The following TBL1XR1 variants were observed in gnomAD, a reference collection of about 807,000 sequenced individuals.
TBL1XR1 encodes F-box-like/WD repeat-containing protein TBL1XR1.
A neutral mutation model predicts 66.9 loss-of-function variants in TBL1XR1; 5 were observed. That is an observed-to-expected ratio of 0.07 (90% CI 0.04 to 0.16). The LOEUF (loss-of-function observed/expected upper bound fraction) is 0.16, where lower values mean the gene tolerates loss of function less well. Ranked by LOEUF, TBL1XR1 falls within the 10% of genes least tolerant of loss-of-function variation. The pLI is 1.00. For missense variants in TBL1XR1, 238 were observed against 623.2 expected, an observed-to-expected ratio of 0.38 and a Z score of 6.58; for synonymous variants, 210 against 206.0, an observed-to-expected ratio of 1.02 and a Z score of -0.17.
intron 10 of TBL1XR1, 74 bp downstream of exon 10, chr3:177,046,054 AT>A: frequency 8.8e-7 from 1 of 1,137,220 alleles, no homozygotes; most frequent in East Asian, 2.6e-5. Context: ...TTTAAAATAA[AT>A]TATATGCTGT....
chr3:177,026,826 T>C, intron 14 of TBL1XR1: 1 of 178,502 alleles, frequency 5.6e-6, no homozygotes, highest in Non-Finnish European at 1.2e-5. Flanking sequence ...TACATGAGTC[T>C]AGCTAACATG....
chr3:177,068,152 A>G (rs1186130714), intron 2 of TBL1XR1, among the ~76,000 whole-genome samples: 2 of 152,232 alleles, frequency 1.3e-5, no homozygotes, highest in Non-Finnish European at 2.9e-5. Context: ...AGGATATTCA[A>G]AATAGACACT....
At chr3:177,157,369 C>T (rs1560240186) in intron 1 of TBL1XR1, among the ~76,000 whole-genome samples, 1 of 152,178 alleles carries the variant, frequency 6.6e-6, no homozygotes, top group Non-Finnish European at 1.5e-5. Context: ...CATTCTTCAG[C>T]AGTCATTAGT....
intron 1 of TBL1XR1, among the ~76,000 whole-genome samples, chr3:177,172,641 GAGAGAGAA>G (rs1373698646): frequency 4.1e-4 from 52 of 125,648 alleles, no homozygotes; most frequent in African/African-American, 1.4e-3. Context: ...AGAAGAGAGA[GAGAGAGAA>G]AGAGAGAGAG....
At position 177,151,858 on chromosome 3, in the gene TBL1XR1, T is replaced by A. The variant is rs376856102; in HGVS notation, c.-122+45263A>T. 3.7e-4 allele frequency among the ~76,000 whole-genome samples: 56 copies of A among 152,176 alleles called. 2 individuals are homozygous for A. In the East Asian group the frequency reaches 5.2e-3, roughly 14 times the overall value. On this transcript the variant is annotated intron_variant, in intron 1 of 15. Coordinates refer to ENST00000457928, the MANE Select transcript of TBL1XR1 (RefSeq NM_024665.7). ...GGCCACCACGGTGAAACCCTGTCTC[T>A]ACTAAAAATACAAAAATCAGCCGGG...
Position 177,197,423 on chromosome 3 carries a change from G to A in TBL1XR1, c.-424C>T, listed in dbSNP as rs985296149. ...CGGCGCGCGGGGGAAGGGCGCGAGC[G>A]GGGAGAGGAATTGAGGCAGAAGGTA... On this transcript the variant is annotated 5_prime_UTR_variant, in exon 1 of 16. Coordinates refer to ENST00000457928, the MANE Select transcript of TBL1XR1 (RefSeq NM_024665.7). The A allele has an allele frequency of 4.1e-5, 6 of 146,126 alleles. No homozygotes were observed. The East Asian group carries it at 1.0e-3, about 25-fold the overall frequency. The allele number at this position is 146,126 out of a possible 1,614,324, so 9.1% of individuals were successfully genotyped here. A position where few individuals can be genotyped will look rare whatever the true frequency, so the allele number is the denominator to read the frequency against.
intron 2 of TBL1XR1, among the ~76,000 whole-genome samples, chr3:177,085,825 T>G (rs558743141): frequency 6.6e-6 from 1 of 152,148 alleles, no homozygotes; most frequent in Non-Finnish European, 1.5e-5. Context: ...AATCCTATTA[T>G]TCTATGGGTG....
At chr3:177,128,273 T>C (rs1727882686) in intron 1 of TBL1XR1, among the ~76,000 whole-genome samples, 1 of 152,170 alleles carries the variant, frequency 6.6e-6, no homozygotes, top group Non-Finnish European at 1.5e-5. Context: ...ATTTAAAACA[T>C]TAGAACCGAT....
At chr3:177,070,538 T>G (rs1359157932) in intron 2 of TBL1XR1, among the ~76,000 whole-genome samples, 1 of 152,220 alleles carries the variant, frequency 6.6e-6, no homozygotes, top group Non-Finnish European at 1.5e-5. Context: ...GGCAAAGAAT[T>G]AGAAAGTCAG....
chr3:177,047,571 T>C (rs747663386), intron 7 of TBL1XR1, 22 bp from the exon 8 acceptor site: 22 of 1,604,040 alleles, frequency 1.4e-5, no homozygotes, highest in Non-Finnish European at 1.7e-5. Flanking sequence ...AAACATTTCT[T>C]TAATTATATA....
intron 3 of TBL1XR1, among the ~76,000 whole-genome samples, chr3:177,062,294 G>C (rs946207934): frequency 6.6e-6 from 1 of 152,140 alleles, no homozygotes; most frequent in African/African-American, 2.4e-5. Context: ...TTGTGAATAT[G>C]CTAAATGCTT....
At chr3:177,051,846 T>C in intron 4 of TBL1XR1, 120 bp from the exon 5 acceptor site, 3 of 1,266,450 alleles carry the variant, frequency 2.4e-6, no homozygotes, top group Non-Finnish European at 3.2e-6. Flanking sequence ...TTTTAGGAAC[T>C]TTCTGAATTC....
intron 2 of TBL1XR1, among the ~76,000 whole-genome samples, chr3:177,095,089 C>T (rs527784010): frequency 6.6e-6 from 1 of 151,304 alleles, no homozygotes; most frequent in East Asian, 1.9e-4. Context: ...TGAATCATCA[C>T]GAGATTATGT....
chr3:177,093,505 A>G (rs1355602809), intron 2 of TBL1XR1, among the ~76,000 whole-genome samples: 2 of 152,140 alleles, frequency 1.3e-5, no homozygotes, highest in African/African-American at 4.8e-5. Flanking sequence ...AGAAGAGCCC[A>G]CATAGCCAAA....
At position 177,148,644 on chromosome 3, in the gene TBL1XR1, G is replaced by C. The variant is rs186352694; in HGVS notation, c.-122+48477C>G. ...GCAGGAGAATCACTTGAACCCAGGA[G>C]GGGGAGATTGCAGTGAGCCGAGATC... On this transcript the variant is annotated intron_variant, in intron 1 of 15. Transcript: ENST00000457928. Among the ~76,000 whole-genome samples, 197 of 150,832 alleles carry C rather than the reference G, an allele frequency of 1.3e-3. 1 individual carries two copies. Among genetic ancestry groups the C allele is most frequent in the African/African-American group, 4.7e-3 (191 of 41,014 alleles).
Position 177,057,810 on chromosome 3 carries a change from G to A in TBL1XR1, c.59-3892C>T, listed in dbSNP as rs58557663. On this transcript the variant is annotated intron_variant, in intron 3 of 15. Transcript: ENST00000457928. ...ATCAAGTACTCTAAACACTGACTAG[G>A]GTATTGAGACTCAGGGAGAAGAGAG... Among the ~76,000 whole-genome samples the A allele has an allele frequency of 3.0e-3, 451 of 152,062 alleles. 5 individuals are homozygous for A. The highest frequency in any genetic ancestry group is 0.011 in the African/African-American group (438 of 41,486).
chr3:177,058,443 C>T (rs1444492424), intron 3 of TBL1XR1, among the ~76,000 whole-genome samples: 1 of 152,140 alleles, frequency 6.6e-6, no homozygotes, highest in Non-Finnish European at 1.5e-5. Context: ...TAACTATGAA[C>T]ATTTTATATA....
intron 1 of TBL1XR1, among the ~76,000 whole-genome samples, chr3:177,162,012 G>A (rs949988557): frequency 6.6e-6 from 1 of 152,182 alleles, no homozygotes. Flanking sequence ...GCTAGTGAAA[G>A]AGCAGACTGG....
At chr3:177,098,365 C>T in intron 2 of TBL1XR1, 101 bp downstream of exon 2, 1 of 524,890 alleles carries the variant, frequency 1.9e-6, no homozygotes, top group Non-Finnish European at 2.4e-6. Flanking sequence ...AGCTTGGGAA[C>T]ACATGTATTT....
Sources: gnomAD v4.1 joint callset for allele counts (sites outside exome capture counted in the v4.1 genomes callset) on GRCh38, gnomAD v4.1.1 for gene constraint, MANE v1.5 for transcripts, NCBI Gene and HGNC (gene_info 2026-07-23, HGNC 2026-07-21) for gene names.